The following HIVEP3 variants were observed in gnomAD, a reference collection of about 807,000 sequenced individuals.
HIVEP3 encodes HIVEP zinc finger 3.
In HIVEP3, 49 loss-of-function variants were observed where a neutral mutation model predicts 152.8. The ratio of observed to expected loss-of-function variants is 0.32; its 90% CI spans 0.26 to 0.41. The LOEUF is 0.41. Among genes scored for constraint, HIVEP3 ranks in the 10% least tolerant of loss-of-function variants. The pLI is 1.00. For synonymous variants in HIVEP3, 1,269 were observed against 1,289.0 expected (o/e 0.98, Z 0.33); for missense variants, 2,790 against 3,103.3 (o/e 0.90, Z 2.40).
intron 1 of HIVEP3, among the ~76,000 whole-genome samples, chr1:41,715,474 C>T (rs931494131): frequency 2.6e-5 from 4 of 152,144 alleles, no homozygotes; most frequent in Admixed American, 2.6e-4. Flanking sequence ...GGTCCTCACG[C>T]ACCAGCCAAC....
chr1:41,581,318 T>C lies in HIVEP3; in HGVS notation c.3480A>G (p.Pro1160=). The C allele has an allele frequency of 6.2e-7, 1 of 1,613,446 alleles. No homozygotes were observed. Among genetic ancestry groups the C allele is most frequent in the Non-Finnish European group, 8.5e-7 (1 of 1,179,756 alleles). Reference sequence around the variant, plus strand: ...ACATGGCCTGGGTGGAGAAGAATTCTGGAGACTGTCCTGGCTCATGCTGCA... The same window carrying C: ...ACATGGCCTGGGTGGAGAAGAATTCCGGAGACTGTCCTGGCTCATGCTGCA... ...HLVQHEPGQS[P]EFFSTQAMSS... is the part of the protein sequence containing the mutation. Residue 1160 remains proline (P), a synonymous_variant, in exon 4 of 9, where the codon CCA becomes CCG. Transcript: ENST00000372583. This position sits in a 1 kb window ranked among gnomAD's most constrained non-coding sequence, Gnocchi z 4.5.
chr1:41,578,530 T>C lies in HIVEP3; in HGVS notation c.5061+1207A>G, dbSNP rs564064613. Among the ~76,000 whole-genome samples, 18 of 152,358 alleles carry C rather than the reference T, an allele frequency of 1.2e-4. No homozygotes were observed. In the South Asian group the frequency reaches 1.7e-3, roughly 14 times the overall value. Reference sequence around the variant, plus strand: ...GAAGATATGAGAGCACAGGAAATTATAGAACACAGTTGTGCTCACTTATCT... The same window carrying C: ...GAAGATATGAGAGCACAGGAAATTACAGAACACAGTTGTGCTCACTTATCT... On this transcript the variant is annotated intron_variant, in intron 4 of 8. Coordinates refer to ENST00000372583, the MANE Select transcript of HIVEP3 (RefSeq NM_024503.5).
intron 1 of HIVEP3, among the ~76,000 whole-genome samples, chr1:41,949,946 C>T (rs1645096721): frequency 1.3e-5 from 2 of 152,104 alleles, no homozygotes; most frequent in African/African-American, 4.8e-5. Context: ...GAGCGGTCAT[C>T]GGCCAACCTC....
intron 2 of HIVEP3, among the ~76,000 whole-genome samples, chr1:41,661,054 G>A (rs920424863): frequency 3.3e-5 from 5 of 152,150 alleles, no homozygotes; most frequent in African/African-American, 4.8e-5. Context: ...TTACTGGCAC[G>A]TGCACAAGGC....
intron 5 of HIVEP3, among the ~76,000 whole-genome samples, chr1:41,525,293 A>G (rs966844779): frequency 5.9e-5 from 7 of 117,860 alleles, no homozygotes; most frequent in Non-Finnish European, 1.3e-4. Flanking sequence ...GAATGATGAT[A>G]ATAAAACAGC....
At chr1:41,558,321 C>A (rs1206832329) in intron 5 of HIVEP3, among the ~76,000 whole-genome samples, 1 of 152,234 alleles carries the variant, frequency 6.6e-6, no homozygotes, top group Non-Finnish European at 1.5e-5. Context: ...GGACCTAGAA[C>A]TTGATTCCCA....
chr1:41,798,941 A>T (rs573792259), intron 1 of HIVEP3, among the ~76,000 whole-genome samples: 1 of 152,208 alleles, frequency 6.6e-6, no homozygotes, highest in African/African-American at 2.4e-5. Flanking sequence ...TGACATGAAG[A>T]AATTCCTCCC....
chr1:42,031,527 A>T (rs1223053522), intron 1 of HIVEP3, among the ~76,000 whole-genome samples: 1 of 152,096 alleles, frequency 6.6e-6, no homozygotes, highest in African/African-American at 2.4e-5. Flanking sequence ...GCATTACAGG[A>T]TGTTCAGCCA....
chr1:41,776,658 G>T (rs1395330703), intron 1 of HIVEP3, among the ~76,000 whole-genome samples: 2 of 152,232 alleles, frequency 1.3e-5, no homozygotes, highest in African/African-American at 2.4e-5. Context: ...GTCTTCAGGG[G>T]TGGGGGTATG....
At chr1:42,021,149 T>C (rs1645551020) in intron 1 of HIVEP3, among the ~76,000 whole-genome samples, 1 of 152,172 alleles carries the variant, frequency 6.6e-6, no homozygotes, top group East Asian at 1.9e-4. Flanking sequence ...AACGAATGTG[T>C]GTAGAATAGA....
chr1:41,979,375 C>T (rs1031178447), intron 1 of HIVEP3, among the ~76,000 whole-genome samples: 1 of 152,156 alleles, frequency 6.6e-6, no homozygotes, highest in East Asian at 1.9e-4. Context: ...TCAGTACTCA[C>T]AAGGTTGAGA....
chr1:41,949,750 AGCT>A (rs1219319858), intron 1 of HIVEP3, among the ~76,000 whole-genome samples: 1 of 152,152 alleles, frequency 6.6e-6, no homozygotes, highest in African/African-American at 2.4e-5. Flanking sequence ...CCAGAATCGA[AGCT>A]GTGAAGCTAC....
At chr1:41,682,208 T>C (rs892658536) in intron 2 of HIVEP3, among the ~76,000 whole-genome samples, 4 of 152,178 alleles carry the variant, frequency 2.6e-5, no homozygotes, top group African/African-American at 9.7e-5. Context: ...TGGTGCTCAC[T>C]GTGAACTATG....
intron 1 of HIVEP3, among the ~76,000 whole-genome samples, chr1:41,706,092 C>G (rs1021324012): frequency 6.6e-6 from 1 of 152,168 alleles, no homozygotes; most frequent in Non-Finnish European, 1.5e-5. Context: ...AATCAGGGTA[C>G]ATGTGCAAGT....
At chr1:41,657,355 C>A (rs1162412872) in intron 2 of HIVEP3, among the ~76,000 whole-genome samples, 1 of 152,162 alleles carries the variant, frequency 6.6e-6, no homozygotes, top group Non-Finnish European at 1.5e-5. Context: ...TGATGCTGGC[C>A]CTGGTCCCCA....
chr1:41,990,753 A>G (rs1645355614), intron 1 of HIVEP3, among the ~76,000 whole-genome samples: 1 of 146,578 alleles, frequency 6.8e-6, no homozygotes, highest in Non-Finnish European at 1.5e-5. Flanking sequence ...ACTTGGAAGT[A>G]AAGCTCTCCT....
intron 1 of HIVEP3, among the ~76,000 whole-genome samples, chr1:41,791,121 TACACACACACACACACACACACAC>T (rs60729364): frequency 7.1e-6 from 1 of 140,834 alleles, no homozygotes; most frequent in Non-Finnish European, 1.6e-5. Context: ...CACACATGTG[TACACACACACACACACACACACAC>T]ACACACACAC....
intron 2 of HIVEP3, among the ~76,000 whole-genome samples, chr1:41,685,765 C>T (rs1289928309): frequency 3.3e-5 from 5 of 152,154 alleles, no homozygotes; most frequent in African/African-American, 7.2e-5. Flanking sequence ...TTGTAAGTTC[C>T]CTAAGGCACC....
Position 41,585,081 on chromosome 1 carries a change from ACGT to A in HIVEP3, c.-287_-285del. 3 of 401,688 alleles carry A rather than the reference ACGT, an allele frequency of 7.5e-6. No individual in the cohort carries two copies. Among genetic ancestry groups the A allele is most frequent in the Non-Finnish European group, 1.3e-5 (3 of 228,262 alleles). The allele number at this position is 401,688 out of a possible 1,614,324, so 24.9% of individuals were successfully genotyped here. A position where few individuals can be genotyped will look rare whatever the true frequency, so the allele number is the denominator to read the frequency against. ...TTCTGCCTGAATGTCTGTCGGGAAA[ACGT>A]CATGAAGGATGTCAGTATTGCCATT... On this transcript the variant is annotated 5_prime_UTR_variant, in exon 4 of 9. Transcript: ENST00000372583.
Sources: gnomAD v4.1 joint callset for allele counts (sites outside exome capture counted in the v4.1 genomes callset) on GRCh38, gnomAD v4.1.1 for gene constraint, Gnocchi (gnomAD v3.1) non-coding constraint, MANE v1.5 for transcripts, NCBI Gene and HGNC (gene_info 2026-07-23, HGNC 2026-07-21) for gene names.